Variants in NYAP2 observed in about 807,000 individuals in gnomAD.
NYAP2 encodes the protein neuronal tyrosine-phosphorylated phosphoinositide-3-kinase adapter 2.
A neutral mutation model predicts 50.4 loss-of-function variants in NYAP2; 23 were observed. That is an observed-to-expected ratio of 0.46 (90% CI 0.33 to 0.65). The LOEUF (loss-of-function observed/expected upper bound fraction) is 0.65, where lower values mean the gene tolerates loss of function less well. Ranked by LOEUF, NYAP2 falls within the 30% of genes least tolerant of loss-of-function variation. The pLI is 0.02. For synonymous variants in NYAP2, 394 were observed against 365.2 expected (o/e 1.08, Z -0.90); for missense variants, 885 against 861.0 (o/e 1.03, Z -0.35).
Position 225,582,808 on chromosome 2 carries a change from G to A in NYAP2, c.1391G>A (p.Ser464Asn). The change falls in exon 5 of 7, where the codon AGC becomes AAC. Residue 464 changes from serine (S) to asparagine (N), a missense_variant. By Grantham distance (46) the Ser-to-Asn change is conservative. Coordinates refer to ENST00000636099, the Ensembl canonical transcript of NYAP2. This position sits in a 1 kb window ranked among gnomAD's most constrained non-coding sequence, Gnocchi z 7.0. ...CCTTACGACGCTGTGCATTCGGGCAGCCTCTCAAGGAGCTCTCCTTCAGTG... is the reference window on the plus strand; with the variant it reads ...CCTTACGACGCTGTGCATTCGGGCAACCTCTCAAGGAGCTCTCCTTCAGTG... 2 of 1,613,922 alleles carry A rather than the reference G, an allele frequency of 1.2e-6. No homozygotes were observed. The highest frequency in any genetic ancestry group is 1.7e-6 in the Non-Finnish European group (2 of 1,179,878).
chr2:225,588,174 C>A lies in NYAP2; in HGVS notation c.1618+5139C>A, dbSNP rs141967911. On this transcript the variant is annotated intron_variant, in intron 5 of 6. Transcript: ENST00000636099. ...CTCCTGACCTCAGGTTATCTGCCTG[C>A]CTCGGCTTCCCAAAGTGCTGGGATT... Among the ~76,000 whole-genome samples the A allele has an allele frequency of 6.9e-3, 1,058 of 152,276 alleles. 16 individuals carry two copies. The highest frequency in any genetic ancestry group is 0.024 in the African/African-American group (1,009 of 41,546).
chr2:225,577,507 A>G (rs1433162110), intron 4 of NYAP2, among the ~76,000 whole-genome samples: 2 of 152,082 alleles, frequency 1.3e-5, no homozygotes, highest in Admixed American at 1.3e-4. Context: ...GGAATACATT[A>G]TGGGACAATG....
the NYAP2 span, among the ~76,000 whole-genome samples, chr2:225,665,454 TTC>T: frequency 6.6e-6 from 1 of 152,110 alleles, no homozygotes; most frequent in Non-Finnish European, 1.5e-5. Context: ...CCTGCTGGTC[TTC>T]TCAATAGGAG....
chr2:225,649,755 G>C (rs1175808985), intron 6 of NYAP2, among the ~76,000 whole-genome samples: 4 of 152,144 alleles, frequency 2.6e-5, no homozygotes, highest in Non-Finnish European at 5.9e-5. Context: ...ACAACTCTCT[G>C]GCAAGTTCCT....
intron 3 of NYAP2, among the ~76,000 whole-genome samples, chr2:225,493,121 G>C (rs1690437953): frequency 6.6e-6 from 1 of 151,910 alleles, no homozygotes; most frequent in Non-Finnish European, 1.5e-5. Context: ...AAATAGCTGG[G>C]ACTACAGGTG....
At chr2:225,624,676 T>G (rs928051412) in intron 5 of NYAP2, among the ~76,000 whole-genome samples, 1 of 152,200 alleles carries the variant, frequency 6.6e-6, no homozygotes, top group East Asian at 1.9e-4. Context: ...GTAGAAAAAT[T>G]AAATAAACTA....
intron 3 of NYAP2, among the ~76,000 whole-genome samples, chr2:225,444,106 A>G (rs1269940483): frequency 5.3e-5 from 8 of 152,218 alleles, no homozygotes; most frequent in Admixed American, 5.2e-4. Flanking sequence ...TAACCTTGGA[A>G]TTATTTCAGA....
At chr2:225,497,565 T>G (rs917299333) in intron 3 of NYAP2, among the ~76,000 whole-genome samples, 1 of 152,192 alleles carries the variant, frequency 6.6e-6, no homozygotes, top group Non-Finnish European at 1.5e-5. Context: ...GTTGTTAAGT[T>G]AGGAAAAACT....
At chr2:225,506,663 T>C (rs1690712412) in intron 3 of NYAP2, among the ~76,000 whole-genome samples, 1 of 152,190 alleles carries the variant, frequency 6.6e-6, no homozygotes, top group Non-Finnish European at 1.5e-5. Context: ...GGAGGCAGCA[T>C]CAAATATAAA....
At chr2:225,577,957 A>C (rs969639095) in intron 4 of NYAP2, among the ~76,000 whole-genome samples, 2 of 152,040 alleles carry the variant, frequency 1.3e-5, no homozygotes, top group African/African-American at 4.8e-5. Flanking sequence ...ATTTTGAGAC[A>C]GTCTTGCTCT....
chr2:225,643,754 C>A (rs907479989), intron 6 of NYAP2, among the ~76,000 whole-genome samples: 5 of 151,938 alleles, frequency 3.3e-5, no homozygotes, highest in African/African-American at 1.2e-4. Context: ...TCATCCATGT[C>A]CCTACAAAGG....
chr2:225,694,385 A>G, the NYAP2 span, among the ~76,000 whole-genome samples: 2 of 151,802 alleles, frequency 1.3e-5, no homozygotes, highest in Non-Finnish European at 2.9e-5. Flanking sequence ...TATGGGTAGT[A>G]TTTTTAACAT....
At chr2:225,646,412 G>A (rs1386959111) in intron 6 of NYAP2, among the ~76,000 whole-genome samples, 9 of 152,150 alleles carry the variant, frequency 5.9e-5, no homozygotes, top group South Asian at 2.1e-4. Context: ...TTAGCCAGGC[G>A]TGGTGACGCC....
chr2:225,420,182 C>G (rs955628920), intron 3 of NYAP2, among the ~76,000 whole-genome samples: 9 of 152,124 alleles, frequency 5.9e-5, no homozygotes, highest in African/African-American at 2.2e-4. Flanking sequence ...AGTAAATAAG[C>G]TGGCATAGCA....
chr2:225,562,416 AC>A (rs767342333), intron 4 of NYAP2, among the ~76,000 whole-genome samples: 2 of 152,174 alleles, frequency 1.3e-5, no homozygotes, highest in East Asian at 1.9e-4. Context: ...ATTGTTTTAA[AC>A]GGCTTGCTGG....
rs533957926 is a variant in NYAP2, at chr2:225,500,494, T to C, written c.222-12877T>C. 2.6e-5 allele frequency among the ~76,000 whole-genome samples: 4 copies of C among 152,352 alleles called. No homozygotes were observed. The South Asian group carries it at 6.2e-4, about 24-fold the overall frequency. ...GACTCTGTTTTAAACTGCAAAATATTTGAGACCTCAGCAGAATATTTTGCA... is the reference window on the plus strand; with the variant it reads ...GACTCTGTTTTAAACTGCAAAATATCTGAGACCTCAGCAGAATATTTTGCA... On this transcript the variant is annotated intron_variant, in intron 3 of 6. Transcript: ENST00000636099.
the NYAP2 span, among the ~76,000 whole-genome samples, chr2:225,682,971 A>C: frequency 4.7e-4 from 72 of 151,680 alleles, no homozygotes; most frequent in East Asian, 1.2e-3. Context: ...TGAGGAAAGC[A>C]GTTTCACTAG....
At position 225,427,666 on chromosome 2, in the gene NYAP2, AT is replaced by A. The variant is rs568870234; in HGVS notation, c.221+18569del. Among the ~76,000 whole-genome samples the A allele has an allele frequency of 3.0e-3, 459 of 152,224 alleles. 1 individual carries two copies. Among genetic ancestry groups the A allele is most frequent in the Non-Finnish European group, 5.1e-3 (348 of 68,004 alleles). The stretch of plus-strand genomic sequence containing the variant: ...CAGGCACTATTGCTTGCTATCTCTT[AT>A]TTTGGTCTACTAGCATTCTTTACAT... On this transcript the variant is annotated intron_variant, in intron 3 of 6. Coordinates refer to ENST00000636099, the Ensembl canonical transcript of NYAP2.
At chr2:225,553,202 C>T (rs1367587) in intron 4 of NYAP2, among the ~76,000 whole-genome samples, 45,177 of 152,132 alleles carry the variant, frequency 0.3, 8,266 homozygotes, top group Non-Finnish European at 0.4. Flanking sequence ...GGTTCTAGGA[C>T]CACTAGAAGA....
Sources: gnomAD v4.1 joint callset for allele counts (sites outside exome capture counted in the v4.1 genomes callset) on GRCh38, gnomAD v4.1.1 for gene constraint, Gnocchi (gnomAD v3.1) non-coding constraint, MANE v1.5 for transcripts, NCBI Gene and HGNC (gene_info 2026-07-23, HGNC 2026-07-21) for gene names.